The following GRIN2A variants were observed in gnomAD, a reference collection of about 807,000 sequenced individuals.
GRIN2A encodes the protein glutamate receptor ionotropic, NMDA 2A.
GRIN2A carries 22 observed loss-of-function variants against 113.4 expected under a neutral mutation model. The ratio of observed to expected loss-of-function variants is 0.19; its 90% CI spans 0.14 to 0.28. The LOEUF (loss-of-function observed/expected upper bound fraction) is 0.28, where lower values mean the gene tolerates loss of function less well. GRIN2A is among the 10% of genes least tolerant of loss of function. The pLI, the probability that GRIN2A is intolerant of heterozygous loss-of-function variation, is 1.00. For missense variants in GRIN2A, 1,502 were observed against 1,887.0 expected (o/e 0.80, Z 3.78); for synonymous variants, 827 against 738.4 (o/e 1.12, Z -1.94).
At chr16:9,944,433 T>C (rs533271975) in intron 2 of GRIN2A, among the ~76,000 whole-genome samples, 2 of 152,122 alleles carry the variant, frequency 1.3e-5, no homozygotes, top group East Asian at 3.9e-4. Context: ...TCCCCCTTCC[T>C]CTGTCATCAT....
chr16:10,150,772 C>T (rs2049552075), intron 2 of GRIN2A, among the ~76,000 whole-genome samples: 2 of 152,310 alleles, frequency 1.3e-5, no homozygotes, highest in South Asian at 2.1e-4. Context: ...TGTCTTACCT[C>T]TCCCTGCTTT....
chr16:9,911,444 T>G (rs755045036), intron 3 of GRIN2A, among the ~76,000 whole-genome samples: 1 of 152,190 alleles, frequency 6.6e-6, no homozygotes, highest in Non-Finnish European at 1.5e-5. Flanking sequence ...TAGTTCCTAG[T>G]GTTAGCGATC....
intron 2 of GRIN2A, among the ~76,000 whole-genome samples, chr16:10,050,572 A>G (rs191125988): frequency 4.6e-4 from 70 of 151,994 alleles, no homozygotes; most frequent in Non-Finnish European, 1.3e-4. Flanking sequence ...TCAACCCCAG[A>G]TGGGACCATC....
intron 3 of GRIN2A, among the ~76,000 whole-genome samples, chr16:9,937,161 C>T (rs540349076): frequency 6.6e-6 from 1 of 151,914 alleles, no homozygotes; most frequent in Admixed American, 6.6e-5. Flanking sequence ...GATTATCAAA[C>T]ATTGTATGCC....
At position 10,009,808 on chromosome 16, in the gene GRIN2A, G is replaced by T. The variant is rs574838017; in HGVS notation, c.415-71257C>A. On this transcript the variant is annotated intron_variant, in intron 2 of 12. Coordinates refer to ENST00000330684, the MANE Select transcript of GRIN2A (RefSeq NM_001134407.3). ...CCTGCAGTAAATGAAAACTAGCTCT[G>T]TTCCTGCATAGAACAGAAGAGTCCA... Among the ~76,000 whole-genome samples the T allele has an allele frequency of 2.0e-5, 3 of 152,228 alleles. No homozygotes were observed. In the East Asian group the frequency reaches 5.8e-4, roughly 29 times the overall value.
In GRIN2A at chr16:9,866,778, C is replaced by T. The variant is rs149173405; in HGVS notation, c.1123-16817G>A. Among the ~76,000 whole-genome samples the T allele has an allele frequency of 4.6e-3, 701 of 152,290 alleles. 6 individuals carry two copies. The highest frequency in any genetic ancestry group is 0.016 in the African/African-American group (661 of 41,548). ...TTTTTGACCATCTCTCCACTGACCA[C>T]CTCCAGTCCACTGTAGCCACCCATT... On this transcript the variant is annotated intron_variant, in intron 4 of 12. Coordinates refer to ENST00000330684, the MANE Select transcript of GRIN2A (RefSeq NM_001134407.3).
At chr16:10,008,538 C>T (rs1935903466) in intron 2 of GRIN2A, among the ~76,000 whole-genome samples, 5 of 152,162 alleles carry the variant, frequency 3.3e-5, no homozygotes, top group Admixed American at 3.3e-4. Context: ...TGATTCTTCC[C>T]TGAGCATACA....
chr16:9,754,546 A>G lies in GRIN2A; in HGVS notation c.*8603T>C, dbSNP rs1425348202. The stretch of plus-strand genomic sequence containing the variant: ...AACAAGATCACCTGGATTTGGCTCA[A>G]ATTAGAGGCCTGAATCTTTTGTTTT... On this transcript the variant is annotated 3_prime_UTR_variant, in exon 13 of 13. Transcript: ENST00000330684. 1 of 212,068 alleles carries G rather than the reference A, an allele frequency of 4.7e-6. No homozygotes were observed. The highest frequency in any genetic ancestry group is 7.1e-5 in the East Asian group (1 of 14,074). 13.1% of individuals were successfully genotyped at this position (212,068 alleles called of 1,614,324 possible). A position where few individuals can be genotyped will look rare whatever the true frequency, so the allele number is the denominator to read the frequency against.
chr16:10,040,945 C>A (rs2141959297), intron 2 of GRIN2A, among the ~76,000 whole-genome samples: 1 of 152,356 alleles, frequency 6.6e-6, no homozygotes, highest in Admixed American at 6.5e-5. Context: ...GAAGAGGTGG[C>A]TTTCTCTGTG....
intron 10 of GRIN2A, among the ~76,000 whole-genome samples, chr16:9,814,989 C>A (rs1316044346): frequency 6.7e-6 from 1 of 150,294 alleles, no homozygotes; most frequent in South Asian, 2.1e-4. Context: ...CCATTGCACT[C>A]CAGCCCGGGC....
At chr16:9,971,307 A>G (rs1465374751) in intron 2 of GRIN2A, among the ~76,000 whole-genome samples, 1 of 152,192 alleles carries the variant, frequency 6.6e-6, no homozygotes. Context: ...TCAAAACTCA[A>G]CCACCATGCT....
intron 11 of GRIN2A, among the ~76,000 whole-genome samples, chr16:9,785,026 T>C (rs1317760846): frequency 6.6e-6 from 1 of 152,188 alleles, no homozygotes; most frequent in Non-Finnish European, 1.5e-5. Flanking sequence ...TGGAAGTCAG[T>C]GTGGCGATTC....
At chr16:10,119,572 A>C (rs1360524801) in intron 2 of GRIN2A, among the ~76,000 whole-genome samples, 1 of 152,108 alleles carries the variant, frequency 6.6e-6, no homozygotes, top group African/African-American at 2.4e-5. Flanking sequence ...GGGAAAGATT[A>C]TTTTTTAACT....
chr16:10,005,510 G>A (rs2046390532), intron 2 of GRIN2A, among the ~76,000 whole-genome samples: 1 of 152,202 alleles, frequency 6.6e-6, no homozygotes, highest in African/African-American at 2.4e-5. Context: ...ATGAGTGAGT[G>A]AAGTGGTCCA....
At chr16:9,867,044 C>T (rs1200495084) in intron 4 of GRIN2A, among the ~76,000 whole-genome samples, 2 of 152,088 alleles carry the variant, frequency 1.3e-5, no homozygotes, top group Admixed American at 6.6e-5. Context: ...CATTTCTTCC[C>T]GATTCCAACT....
At chr16:9,776,893 G>A (rs1048023655) in intron 11 of GRIN2A, among the ~76,000 whole-genome samples, 3 of 152,162 alleles carry the variant, frequency 2.0e-5, no homozygotes, top group African/African-American at 7.2e-5. Flanking sequence ...CAACAGACTT[G>A]GTCATTCTGA....
At chr16:9,903,898 A>G (rs1280578871) in intron 3 of GRIN2A, among the ~76,000 whole-genome samples, 2 of 152,204 alleles carry the variant, frequency 1.3e-5, no homozygotes, top group Non-Finnish European at 2.9e-5. Context: ...GTGCTCCTGG[A>G]CTTGTGTAAT....
intron 2 of GRIN2A, among the ~76,000 whole-genome samples, chr16:10,030,468 G>T (rs2046908094): frequency 6.6e-6 from 1 of 152,150 alleles, no homozygotes; most frequent in South Asian, 2.1e-4. Context: ...GAGGGCAAGG[G>T]TATTGGTTTT....
At chr16:10,068,885 G>A (rs1039294815) in intron 2 of GRIN2A, among the ~76,000 whole-genome samples, 1 of 152,170 alleles carries the variant, frequency 6.6e-6, no homozygotes, top group Non-Finnish European at 1.5e-5. Context: ...CAGACAGAGA[G>A]AACCAAATAC....
Sources: allele counts gnomAD v4.1 joint callset (sites outside exome capture counted in the v4.1 genomes callset), GRCh38; gene constraint gnomAD v4.1.1; transcripts MANE v1.5; gene names NCBI Gene and HGNC (gene_info 2026-07-23, HGNC 2026-07-21).